The following ANKS3 variants were observed in gnomAD, a reference collection of about 807,000 sequenced individuals.
ANKS3 encodes ankyrin repeat and SAM domain-containing protein 3.
Under a neutral mutation model 80.7 loss-of-function variants are expected in ANKS3, and 62 were observed. The ratio of observed to expected loss-of-function variants is 0.77; its 90% CI spans 0.63 to 0.95. The LOEUF (loss-of-function observed/expected upper bound fraction) is 0.95, where lower values mean the gene tolerates loss of function less well. Ranked by LOEUF, ANKS3 falls within the 40% of genes least tolerant of loss-of-function variation. The pLI is 0.00. For missense variants in ANKS3, 1,150 were observed against 883.6 expected, an observed-to-expected ratio of 1.30 and a Z score of -3.82; for synonymous variants, 489 against 355.3, an observed-to-expected ratio of 1.38 and a Z score of -4.23.
intron 11 of ANKS3, 135 bp downstream of exon 11, chr16:4,700,833 CCT>C (rs749090618): frequency 8.6e-7 from 1 of 1,159,396 alleles, no homozygotes; most frequent in South Asian, 1.2e-5. Flanking sequence ...GCCTGTGGAG[CCT>C]AACAGGCCAT....
In ANKS3 at chr16:4,698,841, G is replaced by A. The variant is rs776275680; in HGVS notation, c.1510C>T (p.Leu504=). 3 of 1,607,858 alleles carry A rather than the reference G, an allele frequency of 1.9e-6. No homozygotes were observed. Among genetic ancestry groups the A allele is most frequent in the Admixed American group, 3.4e-5 (2 of 59,578 alleles). Residue 504 remains leucine, a synonymous_variant, in exon 13 of 18, where the codon CTG becomes TTG. Coordinates refer to ENST00000304283, the MANE Select transcript of ANKS3 (RefSeq NM_133450.4). ...GCGAGCTCCTGCATCTCAGCCTCCA[G>A]CCGGTCGGCGTAGGCCAGCTCCAGG... ...DALELAYADR[L]EAEMQELAIQ... is the part of the protein sequence containing the mutation.
chr16:4,732,155 C>G (rs1446039241), intron 1 of ANKS3, among the ~76,000 whole-genome samples: 1 of 147,294 alleles, frequency 6.8e-6, no homozygotes, highest in Non-Finnish European at 1.5e-5. Flanking sequence ...AAGCAAAGCC[C>G]TCCTTCCTGG....
In ANKS3 at chr16:4,726,717, C is replaced by T. The variant is rs147388252; in HGVS notation, c.433G>A (p.Ala145Thr). ...AACCTGACCATGTGCTGGTGCCCGG[C>T]GCTGGTACAGTGGAAGAGGGCTGTC... ...GWTALFHCTSAGHQHMVRFLL... is the reference protein window; with the variant it reads ...GWTALFHCTSTGHQHMVRFLL... Residue 145 changes from alanine (A) to threonine (T), a missense_variant, in exon 5 of 18, where the codon GCC (alanine) becomes ACC (threonine). Physicochemically the swap from Ala to Thr is moderately conservative, Grantham distance 58. Transcript: ENST00000304283. The T allele has an allele frequency of 2.7e-5, 44 of 1,614,228 alleles. No homozygotes were observed. The African/African-American group carries it at 4.7e-4, about 17-fold the overall frequency.
intron 7 of ANKS3, among the ~76,000 whole-genome samples, chr16:4,708,663 G>A (rs762095567): frequency 6.6e-5 from 10 of 152,062 alleles, no homozygotes; most frequent in South Asian, 2.1e-4. Flanking sequence ...GGCTGCGCAC[G>A]GTGGCTCACA....
At position 4,698,603 on chromosome 16, in the gene ANKS3, C is replaced by T; in HGVS notation, c.1552-4G>A. ...TGGCCTCTACCTCCTCGCAGCGCTG[C>T]AGGGGGGTGGGGGGCGCGGGGAGGC... On this transcript the variant is annotated splice_polypyrimidine_tract_variant and splice_region_variant and intron_variant, in intron 13 of 17. Coordinates refer to ENST00000304283, the MANE Select transcript of ANKS3 (RefSeq NM_133450.4). 7 of 1,553,728 alleles carry T rather than the reference C, an allele frequency of 4.5e-6. No individual in the cohort carries two copies. Among genetic ancestry groups the T allele is most frequent in the Non-Finnish European group, 6.1e-6 (7 of 1,156,612 alleles).
In ANKS3 at chr16:4,698,039, G is replaced by A; in HGVS notation, c.1748C>T (p.Ser583Phe). Residue 583 changes from serine to phenylalanine, a missense_variant, in exon 15 of 18, where the codon TCT (serine) becomes TTT (phenylalanine). By Grantham distance (155) the Ser-to-Phe change is radical. Transcript: ENST00000304283. ...AGGGGGCTGGTCCTGCCTCACTCGA[G>A]ATGACAGCTCAGCTTGACAGGCTCT... ...QLRACQAELS[S>F]RVRQDQPPGA... The A allele has an allele frequency of 6.2e-7, 1 of 1,609,856 alleles. No homozygotes were observed. The highest frequency in any genetic ancestry group is 8.5e-7 in the Non-Finnish European group (1 of 1,178,838).
At chr16:4,725,794 G>C (rs1405870417) in intron 5 of ANKS3, among the ~76,000 whole-genome samples, 1 of 151,992 alleles carries the variant, frequency 6.6e-6, no homozygotes, top group East Asian at 1.9e-4. Flanking sequence ...CGAGTAGCTG[G>C]GATTACAGGC....
Position 4,724,710 on chromosome 16 carries a change from G to C in ANKS3, c.573+40C>G. ...ACTTCAGTAATATGATTCCTCATTT[G>C]CCGTGACTACATTACATGCTAATAA... On this transcript the variant is annotated intron_variant, in intron 6 of 17. Coordinates refer to ENST00000304283, the MANE Select transcript of ANKS3 (RefSeq NM_133450.4). 3 of 1,562,470 alleles carry C rather than the reference G, an allele frequency of 1.9e-6. 1 individual carries two copies. Among genetic ancestry groups the C allele is most frequent in the Non-Finnish European group, 8.8e-7 (1 of 1,135,590 alleles).
chr16:4,701,041 C>T lies in ANKS3; in HGVS notation c.1213G>A (p.Ala405Thr). 6.2e-7 allele frequency: 1 copy of T among 1,614,128 alleles called. No homozygotes were observed. The highest frequency in any genetic ancestry group is 8.5e-7 in the Non-Finnish European group (1 of 1,180,022). ...GCGAGAAAGCCTTCCCTGTCAGTTG[C>T]AGCGCGGGGAGGCCACTGGCTGTCA... ...NPDSQWPPRA[A>T]TDREGFLAES... The change falls in exon 11 of 18, where the codon GCA becomes ACA. Residue 405 changes from alanine (A) to threonine (T), a missense_variant. Ala to Thr is a moderately conservative substitution (Grantham distance 58). Transcript: ENST00000304283.
intron 6 of ANKS3, among the ~76,000 whole-genome samples, chr16:4,717,741 C>G (rs907767153): frequency 3.3e-5 from 5 of 152,088 alleles, no homozygotes; most frequent in Admixed American, 3.3e-4. Context: ...CCTGACCTCC[C>G]CAGCTCAAGT....
intron 5 of ANKS3, among the ~76,000 whole-genome samples, 160 bp downstream of exon 5, chr16:4,726,499 G>A (rs1185625059): frequency 2.0e-5 from 3 of 152,228 alleles, no homozygotes; most frequent in East Asian, 3.9e-4. Context: ...TGTACGAAAA[G>A]GCCTGTGCCT....
intron 2 of ANKS3, among the ~76,000 whole-genome samples, chr16:4,730,745 G>A (rs940118783): frequency 2.0e-5 from 3 of 151,980 alleles, no homozygotes; most frequent in East Asian, 1.9e-4. Flanking sequence ...CCAGCTACTC[G>A]GGAGGCTGAG....
chr16:4,720,900 G>T (rs1176483881), intron 6 of ANKS3, among the ~76,000 whole-genome samples: 1 of 149,574 alleles, frequency 6.7e-6, no homozygotes, highest in Non-Finnish European at 1.5e-5. Flanking sequence ...TTGCGCCACT[G>T]CACTCCAGCC....
intron 7 of ANKS3, among the ~76,000 whole-genome samples, chr16:4,713,316 T>C (rs1327599500): frequency 6.6e-6 from 1 of 151,666 alleles, no homozygotes; most frequent in Admixed American, 6.6e-5. Flanking sequence ...TCAAATGCAC[T>C]GACAATATGC....
rs761207585 is a variant in ANKS3, at chr16:4,698,506, C to A, written c.1645G>T (p.Ala549Ser). The part of the protein sequence containing the change: ...VESCLLEQDR[A>S]REDLQARLRE... ...AGCCGGGCCTGGAGGTCCTCGCGGG[C>A]GCGGTCCTGCTCCAGCAGGCAGCTC... Residue 549 changes from alanine to serine, a missense_variant, in exon 14 of 18, where the codon GCC becomes TCC. Physicochemically the swap from Ala to Ser is moderately conservative, Grantham distance 99. Coordinates refer to ENST00000304283, the MANE Select transcript of ANKS3 (RefSeq NM_133450.4). 1 of 1,560,134 alleles carries A rather than the reference C, an allele frequency of 6.4e-7. No homozygotes were observed. Among genetic ancestry groups the A allele is most frequent in the Non-Finnish European group, 8.6e-7 (1 of 1,160,824 alleles).
chr16:4,711,825 C>T (rs2080505853), intron 7 of ANKS3, among the ~76,000 whole-genome samples: 1 of 150,598 alleles, frequency 6.6e-6, no homozygotes, highest in South Asian at 2.1e-4. Flanking sequence ...TTTACCAAAA[C>T]TGACCCCATA....
At chr16:4,712,468 G>A (rs2080546517) in intron 7 of ANKS3, among the ~76,000 whole-genome samples, 1 of 151,998 alleles carries the variant, frequency 6.6e-6, no homozygotes, top group Admixed American at 6.6e-5. Flanking sequence ...TTAATAAACA[G>A]AATTCAAAAA....
At chr16:4,699,319 A>C in intron 11 of ANKS3, 143 bp from the exon 12 acceptor site, 1 of 1,181,140 alleles carries the variant, frequency 8.5e-7, no homozygotes. Flanking sequence ...GTCCCCTCCT[A>C]CTCTGGTGGC....
intron 7 of ANKS3, among the ~76,000 whole-genome samples, chr16:4,710,460 C>T: frequency 6.6e-6 from 1 of 152,138 alleles, no homozygotes; most frequent in East Asian, 1.9e-4. Flanking sequence ...GTAGTCCCAG[C>T]ACTTTGGGAG....
Sources: allele counts gnomAD v4.1 joint callset (sites outside exome capture counted in the v4.1 genomes callset), GRCh38; gene constraint gnomAD v4.1.1; transcripts MANE v1.5; gene names NCBI Gene and HGNC (gene_info 2026-07-23, HGNC 2026-07-21).